The following SDK1 variants were observed in gnomAD, a reference collection of about 807,000 sequenced individuals.
SDK1 encodes the protein protein sidekick-1.
A neutral mutation model predicts 245.5 loss-of-function variants in SDK1; 157 were observed. The ratio of observed to expected loss-of-function variants is 0.64; its 90% CI spans 0.56 to 0.73. The LOEUF (loss-of-function observed/expected upper bound fraction) is 0.73. Ranked by LOEUF, SDK1 falls within the 30% of genes least tolerant of loss-of-function variation. SDK1 has a pLI of 0.00. For synonymous variants in SDK1, 1,647 were observed against 1,278.5 expected (o/e 1.29, Z -6.15); for missense variants, 3,583 against 3,002.3 (o/e 1.19, Z -4.52).
chr7:4,079,624 A>G, intron 22 of SDK1, 40 bp downstream of exon 22: 2 of 1,612,490 alleles, frequency 1.2e-6, no homozygotes, highest in Non-Finnish European at 1.7e-6. Flanking sequence ...ATTTGCGAAG[A>G]GCAGTGTTGG....
chr7:3,730,783 G>A (rs923679846), intron 4 of SDK1, among the ~76,000 whole-genome samples: 4 of 152,118 alleles, frequency 2.6e-5, no homozygotes, highest in Non-Finnish European at 4.4e-5. Context: ...GCAAGAGGGT[G>A]GCATGGAGGG....
rs369038442 is a variant in SDK1 at position 4,049,482 on chromosome 7, G to T, written c.2718+19G>T. Reference sequence around the variant, plus strand: ...ATACAAGGTACGTGGCCTGGGTTCAGGGCCTGTGGGCAGCTGTCATTGTCT... The same window carrying T: ...ATACAAGGTACGTGGCCTGGGTTCATGGCCTGTGGGCAGCTGTCATTGTCT... On this transcript the variant is annotated intron_variant, in intron 18 of 44. Transcript: ENST00000404826. 6 of 1,563,406 alleles carry T rather than the reference G, an allele frequency of 3.8e-6. No individual in the cohort carries two copies. In the African/African-American group the frequency reaches 6.8e-5, roughly 18 times the overall value.
intron 1 of SDK1, among the ~76,000 whole-genome samples, chr7:3,595,097 A>C (rs1781008976): frequency 6.6e-6 from 1 of 152,202 alleles, no homozygotes; most frequent in African/African-American, 2.4e-5. Context: ...AACGCGTAGA[A>C]GATTGAAGTC....
chr7:3,379,108 C>T (rs78214600), intron 1 of SDK1, among the ~76,000 whole-genome samples: 3,391 of 152,228 alleles, frequency 0.022, 77 homozygotes, highest in Non-Finnish European at 0.034. Flanking sequence ...GACATGGGTT[C>T]CTTCTATTTC....
chr7:3,602,418 C>G (rs997949712), intron 1 of SDK1, among the ~76,000 whole-genome samples: 3 of 150,352 alleles, frequency 2.0e-5, no homozygotes, highest in African/African-American at 4.9e-5. Flanking sequence ...TTGCATTTAT[C>G]TGATGGCCAG....
intron 1 of SDK1, among the ~76,000 whole-genome samples, chr7:3,552,018 G>C (rs1779433534): frequency 1.3e-5 from 2 of 151,888 alleles, no homozygotes; most frequent in East Asian, 1.9e-4. Context: ...TCCTAAACAT[G>C]AAAGATTTTA....
chr7:4,185,942 G>A (rs1217965972), intron 35 of SDK1, among the ~76,000 whole-genome samples: 1 of 152,032 alleles, frequency 6.6e-6, no homozygotes, highest in African/African-American at 2.4e-5. Flanking sequence ...GTGACTGAGT[G>A]ACCCCTGAGC....
At chr7:3,968,505 C>G (rs1782246952) in intron 10 of SDK1, among the ~76,000 whole-genome samples, 1 of 152,356 alleles carries the variant, frequency 6.6e-6, no homozygotes, top group Admixed American at 6.5e-5. Flanking sequence ...TCCTAAAGAT[C>G]TGGGACACTA....
At chr7:3,906,082 G>A (rs766530690) in intron 5 of SDK1, among the ~76,000 whole-genome samples, 1 of 151,642 alleles carries the variant, frequency 6.6e-6, no homozygotes, top group Admixed American at 6.6e-5. Flanking sequence ...GCTACATTCT[G>A]GAAACTTTCC....
chr7:3,658,651 A>G (rs6972993), intron 4 of SDK1, among the ~76,000 whole-genome samples: 87,777 of 141,024 alleles, frequency 0.62, 27,463 homozygotes, highest in South Asian at 0.75. Flanking sequence ...ACAGTCTGTC[A>G]TCCAGGCTGG....
At chr7:3,419,987 AACCTCT>A in intron 1 of SDK1, among the ~76,000 whole-genome samples, 1 of 152,328 alleles carries the variant, frequency 6.6e-6, no homozygotes, top group South Asian at 2.1e-4. Context: ...AAATGCACCC[AACCTCT>A]GTGACTGTGA....
At chr7:3,756,340 A>C (rs1228870270) in intron 4 of SDK1, among the ~76,000 whole-genome samples, 1 of 150,670 alleles carries the variant, frequency 6.6e-6, no homozygotes. Flanking sequence ...TGACACATGC[A>C]TACCATTGAT....
chr7:3,719,910 G>C (rs1011514635), intron 4 of SDK1, among the ~76,000 whole-genome samples: 2 of 151,774 alleles, frequency 1.3e-5, no homozygotes, highest in East Asian at 1.9e-4. Flanking sequence ...CCGGGAGGCG[G>C]AAGTTGCAGT....
At chr7:3,301,957 T>C in intron 1 of SDK1, 73 bp downstream of exon 1, 1 of 1,034,604 alleles carries the variant, frequency 9.7e-7, no homozygotes. Flanking sequence ...GCAGCGAGAG[T>C]GTGTCCGGGG....
In SDK1 at chr7:3,824,047, G is replaced by A. The variant is rs1250009083; in HGVS notation, c.847+2464G>A. Among the ~76,000 whole-genome samples the A allele has an allele frequency of 2.7e-5, 4 of 150,034 alleles. No individual in the cohort carries two copies. In the East Asian group the frequency reaches 7.9e-4, roughly 30 times the overall value. ...TTAATCTGCAGAATCCCCCAGAATT[G>A]TTTTAATTGTGCTTCTTTCTGGCAT... On this transcript the variant is annotated intron_variant, in intron 5 of 44. Coordinates refer to ENST00000404826, the MANE Select transcript of SDK1 (RefSeq NM_152744.4).
intron 1 of SDK1, among the ~76,000 whole-genome samples, chr7:3,592,306 T>C (rs1780902905): frequency 6.6e-6 from 1 of 152,126 alleles, no homozygotes; most frequent in African/African-American, 2.4e-5. Flanking sequence ...TTGCCGTTTC[T>C]CCCCTCTCCC....
chr7:3,779,890 C>T (rs963195592), intron 4 of SDK1, among the ~76,000 whole-genome samples: 1 of 150,226 alleles, frequency 6.7e-6, no homozygotes. Flanking sequence ...CGAGATTGCA[C>T]CACTGCAGTC....
At position 3,530,641 on chromosome 7, in the gene SDK1, G is replaced by A. The variant is rs570136497; in HGVS notation, c.299-88439G>A. Among the ~76,000 whole-genome samples the A allele has an allele frequency of 5.3e-5, 8 of 152,144 alleles. No homozygotes were observed. The East Asian group carries it at 9.6e-4, about 18-fold the overall frequency. On this transcript the variant is annotated intron_variant, in intron 1 of 44. Coordinates refer to ENST00000404826, the MANE Select transcript of SDK1 (RefSeq NM_152744.4). The stretch of plus-strand genomic sequence containing the variant: ...CATTAAAAATACTTTCACATAGATA[G>A]GCATGTGAAATATATTATGTATTAA...
chr7:4,143,480 C>T lies in SDK1; in HGVS notation c.4229-2242C>T, dbSNP rs909068140. On this transcript the variant is annotated intron_variant, in intron 28 of 44. Transcript: ENST00000404826. ...CCTGGCACCCCGTGAGGTGTCCTGC[C>T]ATATCCTTGCACCATGTAGTCCAGC... Among the ~76,000 whole-genome samples, 10 of 152,250 alleles carry T rather than the reference C, an allele frequency of 6.6e-5. No individual in the cohort carries two copies. The South Asian group carries it at 2.1e-3, about 32-fold the overall frequency.
Sources: gnomAD v4.1 joint callset for allele counts (sites outside exome capture counted in the v4.1 genomes callset) on GRCh38, gnomAD v4.1.1 for gene constraint, MANE v1.5 for transcripts, NCBI Gene and HGNC (gene_info 2026-07-23, HGNC 2026-07-21) for gene names.